Variants in FBXL20 observed in about 807,000 individuals in gnomAD.
The protein encoded by FBXL20 is F-box and leucine rich repeat protein 20, also known as F-box/LRR-repeat protein 20.
FBXL20 carries 11 observed loss-of-function variants against 64.0 expected under a neutral mutation model. The ratio of observed to expected loss-of-function variants is 0.17; its 90% CI spans 0.11 to 0.28. The LOEUF (loss-of-function observed/expected upper bound fraction) is 0.28. Among genes scored for constraint, FBXL20 ranks in the 10% least tolerant of loss-of-function variants. The probability of loss-of-function intolerance (pLI) is 1.00; values close to 1 mark genes in which losing one functional copy is unlikely to be tolerated. For synonymous variants in FBXL20, 184 were observed against 189.0 expected (o/e 0.97, Z 0.22); for missense variants, 303 against 526.2 (o/e 0.58, Z 4.15).
intron 1 of FBXL20, among the ~76,000 whole-genome samples, chr17:39,391,276 A>AG (rs2048131168): frequency 6.7e-6 from 1 of 148,896 alleles, no homozygotes. Context: ...AAAATTATTA[A>AG]GAAAAAAAAA....
chr17:39,361,897 A>G (rs900415586), intron 1 of FBXL20, among the ~76,000 whole-genome samples: 2 of 151,914 alleles, frequency 1.3e-5, no homozygotes, highest in Non-Finnish European at 2.9e-5. Context: ...CCGGAGTTCA[A>G]GACCAGCCTG....
At chr17:39,333,588 G>A (rs866295180) in intron 2 of FBXL20, among the ~76,000 whole-genome samples, 6 of 151,956 alleles carry the variant, frequency 3.9e-5, no homozygotes, top group African/African-American at 1.4e-4. Context: ...AGTGAGGAGC[G>A]TCTCTGCCTG....
At chr17:39,329,217 A>T (rs1331035621) in intron 2 of FBXL20, among the ~76,000 whole-genome samples, 1 of 152,204 alleles carries the variant, frequency 6.6e-6, no homozygotes, top group African/African-American at 2.4e-5. Context: ...TCCTATGCCT[A>T]TGTTATGATA....
At chr17:39,314,403 G>A (rs1468536646) in intron 2 of FBXL20, among the ~76,000 whole-genome samples, 1 of 151,964 alleles carries the variant, frequency 6.6e-6, no homozygotes, top group Non-Finnish European at 1.5e-5. Flanking sequence ...CTGTCACCTG[G>A]CTGTAGTGGC....
At chr17:39,370,984 T>A (rs2047912983) in intron 1 of FBXL20, among the ~76,000 whole-genome samples, 1 of 152,148 alleles carries the variant, frequency 6.6e-6, no homozygotes. Context: ...TTTTGGAGGC[T>A]GAGGCGGGTG....
Position 39,317,765 on chromosome 17 carries a change from G to A in FBXL20, c.105-14126C>T, listed in dbSNP as rs551401771. ...CACCCAGGCTGGAGTGCAGTGGCAC[G>A]ATCTCGGCTCACTGCAAGCTCCTCC... On this transcript the variant is annotated intron_variant, in intron 2 of 14. Coordinates refer to ENST00000264658, the MANE Select transcript of FBXL20 (RefSeq NM_032875.3). 6.5e-4 allele frequency among the ~76,000 whole-genome samples: 87 copies of A among 133,606 alleles called. No homozygotes were observed. In the South Asian group the frequency reaches 0.019, roughly 30 times the overall value. 87.7% of individuals were successfully genotyped at this position (133,606 alleles called of 152,430 possible). A position where few individuals can be genotyped will look rare whatever the true frequency, so the allele number is the denominator to read the frequency against.
upstream of FBXL20, chr17:39,401,710 C>T (rs1229343629): frequency 5.4e-5 from 56 of 1,045,808 alleles, no homozygotes; most frequent in Non-Finnish European, 5.2e-5. Flanking sequence ...GCCCGGGCCT[C>T]GGAGCGCCCG....
At chr17:39,263,624 C>T (rs978794102) in intron 14 of FBXL20, among the ~76,000 whole-genome samples, 10 of 151,762 alleles carry the variant, frequency 6.6e-5, no homozygotes, top group Admixed American at 3.9e-4. Flanking sequence ...CCTAGGAGTT[C>T]GAGGCTGCAG....
intron 9 of FBXL20, among the ~76,000 whole-genome samples, chr17:39,280,616 C>T (rs937400150): frequency 7.2e-5 from 11 of 152,010 alleles, no homozygotes; most frequent in African/African-American, 9.7e-5. Flanking sequence ...GTACTGTTAA[C>T]ATTCTAGGTG....
Position 39,302,263 on chromosome 17 carries a change from G to A in FBXL20, c.160-1188C>T, listed in dbSNP as rs142502903. 6.4e-3 allele frequency among the ~76,000 whole-genome samples: 968 copies of A among 152,098 alleles called. 17 individuals are homozygous for A. Among genetic ancestry groups the A allele is most frequent in the African/African-American group, 0.022 (925 of 41,504 alleles). ...GTGTCACTGTCACCTGGGATGGAGT[G>A]CAGTGGCTCAATCATGGGTCACTTG... On this transcript the variant is annotated intron_variant, in intron 3 of 14. Coordinates refer to ENST00000264658, the MANE Select transcript of FBXL20 (RefSeq NM_032875.3).
In FBXL20 at chr17:39,261,602, A is replaced by G. The variant is rs372688339; in HGVS notation, c.1204-35T>C. On this transcript the variant is annotated intron_variant, in intron 14 of 14. Coordinates refer to ENST00000264658, the MANE Select transcript of FBXL20 (RefSeq NM_032875.3). ...GACAGAAACATTAAACGTTTAAGAG[A>G]GGGCTTAAACAGAAAGAGCAATGTT... is the stretch of plus-strand genomic sequence containing the variant. 6 of 1,487,228 alleles carry G rather than the reference A, an allele frequency of 4.0e-6. No homozygotes were observed. The African/African-American group carries it at 8.3e-5, about 21-fold the overall frequency. The allele number at this position is 1,487,228 out of a possible 1,614,324, so 92.1% of individuals were successfully genotyped here. A position where few individuals can be genotyped will look rare whatever the true frequency, so the allele number is the denominator to read the frequency against.
At chr17:39,353,907 A>G (rs2047712020) in intron 1 of FBXL20, among the ~76,000 whole-genome samples, 1 of 152,102 alleles carries the variant, frequency 6.6e-6, no homozygotes, top group African/African-American at 2.4e-5. Flanking sequence ...TACAAGAGTG[A>G]GCCACCGCAC....
intron 2 of FBXL20, among the ~76,000 whole-genome samples, chr17:39,315,673 G>A (rs943083107): frequency 1.6e-4 from 24 of 152,030 alleles, no homozygotes; most frequent in African/African-American, 5.8e-4. Flanking sequence ...GTCAAAGTAA[G>A]GTGAGAAGGG....
chr17:39,296,304 T>C (rs1322908117), intron 6 of FBXL20, among the ~76,000 whole-genome samples: 3 of 152,140 alleles, frequency 2.0e-5, no homozygotes, highest in African/African-American at 7.2e-5. Flanking sequence ...CTCATGCCTG[T>C]AATCCCAGCA....
chr17:39,400,752 T>A (rs919846398), intron 1 of FBXL20, among the ~76,000 whole-genome samples: 1 of 152,172 alleles, frequency 6.6e-6, no homozygotes, highest in African/African-American at 2.4e-5. Context: ...TCTCAAAGCA[T>A]GTAGACATCC....
intron 2 of FBXL20, among the ~76,000 whole-genome samples, chr17:39,306,145 G>A (rs115137360): frequency 7.0e-6 from 1 of 142,420 alleles, no homozygotes; most frequent in East Asian, 2.0e-4. Flanking sequence ...CTGGGTGATA[G>A]AGTGAGTTCT....
Position 39,270,675 on chromosome 17 carries a change from C to T in FBXL20, c.888+121G>A, listed in dbSNP as rs373791962. ...AGGTCTGTAGCTATAGCATGAAACC[C>T]CGTCTCACTCACCCAATTCTGCTAC... On this transcript the variant is annotated intron_variant, in intron 11 of 14. Transcript: ENST00000264658. 2.1e-4 allele frequency: 160 copies of T among 765,730 alleles called. 1 individual carries two copies. The African/African-American group carries it at 2.7e-3, about 13-fold the overall frequency. 47.4% of individuals were successfully genotyped at this position (765,730 alleles called of 1,614,324 possible).
chr17:39,325,667 G>A (rs1215690417), intron 2 of FBXL20, among the ~76,000 whole-genome samples: 5 of 152,154 alleles, frequency 3.3e-5, no homozygotes, highest in African/African-American at 2.4e-5. Context: ...AAATTGTAGA[G>A]AGATCCAATG....
chr17:39,270,944 A>C (rs1038842984), intron 10 of FBXL20, 88 bp from the exon 11 acceptor site: 1 of 1,051,372 alleles, frequency 9.5e-7, no homozygotes, highest in Non-Finnish European at 1.4e-6. Context: ...TTACAAAAAC[A>C]ATCTTCTATT....
Sources: allele counts gnomAD v4.1 joint callset (sites outside exome capture counted in the v4.1 genomes callset), GRCh38; gene constraint gnomAD v4.1.1; transcripts MANE v1.5; gene names NCBI Gene and HGNC (gene_info 2026-07-23, HGNC 2026-07-21).